Variants in CCNT2 observed in about 807,000 individuals in gnomAD.
CCNT2 encodes the protein cyclin-T2.
CCNT2 carries 18 observed loss-of-function variants against 70.0 expected under a neutral mutation model. The ratio of observed to expected loss-of-function variants is 0.26; its 90% CI spans 0.18 to 0.38. The LOEUF is 0.38. Among genes scored for constraint, CCNT2 ranks in the 10% least tolerant of loss-of-function variants. CCNT2 has a pLI of 1.00. For synonymous variants in CCNT2, 334 were observed against 313.3 expected (o/e 1.07, Z -0.70); for missense variants, 734 against 890.2 (o/e 0.82, Z 2.23).
At chr2:134,944,448 T>C in intron 5 of CCNT2, 10 of 966,362 alleles carry the variant, frequency 1.0e-5, no homozygotes, top group Non-Finnish European at 1.2e-5. Flanking sequence ...AACTTTAAAT[T>C]CTTTATCAGA....
intron 2 of CCNT2, among the ~76,000 whole-genome samples, chr2:134,922,785 T>C (rs571883901): frequency 2.2e-4 from 33 of 152,346 alleles, no homozygotes; most frequent in African/African-American, 7.9e-4. Context: ...TCTTTTGTGA[T>C]GCATTTTTTT....
chr2:134,939,605 A>G (rs920791545), intron 4 of CCNT2, among the ~76,000 whole-genome samples: 4 of 151,956 alleles, frequency 2.6e-5, no homozygotes, highest in African/African-American at 9.7e-5. Context: ...AGCTGGGACT[A>G]CAGGTGCATA....
chr2:134,940,548 A>G (rs1681505129), intron 4 of CCNT2, among the ~76,000 whole-genome samples: 1 of 152,222 alleles, frequency 6.6e-6, no homozygotes, highest in Non-Finnish European at 1.5e-5. Flanking sequence ...AAAGGTACAT[A>G]AAATTAATTT....
intron 2 of CCNT2, among the ~76,000 whole-genome samples, chr2:134,924,202 T>C (rs554888316): frequency 2.0e-5 from 3 of 152,378 alleles, no homozygotes; most frequent in East Asian, 3.9e-4. Flanking sequence ...TTGAATCTTA[T>C]TCACATCCAG....
intron 5 of CCNT2, chr2:134,945,045 TTC>T: frequency 1.0e-6 from 1 of 985,414 alleles, no homozygotes; most frequent in Non-Finnish European, 1.2e-6. Context: ...GGACCTTCAC[TTC>T]TGTGATTTCT....
chr2:134,954,156 C>T lies in CCNT2; in HGVS notation c.1701C>T (p.Arg567=). 2 of 1,614,188 alleles carry T rather than the reference C, an allele frequency of 1.2e-6. No homozygotes were observed. The highest frequency in any genetic ancestry group is 1.7e-6 in the Non-Finnish European group (2 of 1,180,010). ...KEKHKEHPSS[R]HHTSSHKHSH... is the part of the protein sequence containing the mutation. ...AGCACAAGGAGCATCCTTCAAGCCG[C>T]CACCACACCAGCAGCCACAAGCATT... The change falls in exon 9 of 9, where the codon CGC becomes CGT. Residue 567 remains arginine (R), a synonymous_variant. Transcript: ENST00000264157.
At chr2:134,942,806 G>C in intron 5 of CCNT2, 132 bp downstream of exon 5, 1 of 1,403,914 alleles carries the variant, frequency 7.1e-7, no homozygotes, top group Non-Finnish European at 9.3e-7. Flanking sequence ...CATTTTTTAA[G>C]CATTACTTTT....
intron 5 of CCNT2, 22 bp from the exon 6 acceptor site, chr2:134,946,079 C>G: frequency 6.4e-7 from 1 of 1,567,692 alleles, no homozygotes; most frequent in Non-Finnish European, 8.7e-7. Flanking sequence ...GTATTGTCTT[C>G]GTTTTTTTTT....
Position 134,953,445 on chromosome 2 carries a change from T to C in CCNT2, c.990T>C (p.Asn330=). The part of the protein sequence containing the change: ...ISVQDSHTSD[N]LSMLATGMPS... ...TTCAAGACAGCCATACATCTGATAA[T>C]TTGTCAATGCTAGCAACAGGAATGC... The change falls in exon 9 of 9, where the codon AAT becomes AAC. Residue 330 remains asparagine, a synonymous_variant. Transcript: ENST00000264157. 4.3e-6 allele frequency: 7 copies of C among 1,613,464 alleles called. No individual in the cohort carries two copies. The highest frequency in any genetic ancestry group is 5.9e-6 in the Non-Finnish European group (7 of 1,179,582).
Position 134,954,529 on chromosome 2 carries a change from G to T in CCNT2, c.2074G>T (p.Val692Leu). 1.2e-6 allele frequency: 2 copies of T among 1,614,192 alleles called. No homozygotes were observed. The highest frequency in any genetic ancestry group is 1.3e-5 in the African/African-American group (1 of 75,052). Residue 692 changes from valine (V) to leucine (L), a missense_variant, in exon 9 of 9, where the codon GTG becomes TTG. Around this residue, in one of 3 missense-constraint regions of CCNT2, gnomAD observed 532 missense variants for 556.9 expected, o/e 0.96. Transcript: ENST00000264157. The stretch of plus-strand genomic sequence containing the variant: ...CCTCGTGAAACTGGACAAGAAGCCA[G>T]TGGAGACCAACGGTCCTGATGCCAA... ...STLVKLDKKP[V>L]ETNGPDANHE...
chr2:134,953,747 C>T lies in CCNT2; in HGVS notation c.1292C>T (p.Pro431Leu), dbSNP rs1682710199. 1 of 1,614,028 alleles carries T rather than the reference C, an allele frequency of 6.2e-7. No homozygotes were observed. The change falls in exon 9 of 9, where the codon CCT (proline) becomes CTT (leucine). Residue 431 changes from proline to leucine, a missense_variant. Around this residue, in one of 3 missense-constraint regions of CCNT2, gnomAD observed 532 missense variants for 556.9 expected, o/e 0.96. Transcript: ENST00000264157. Reference sequence around the variant, plus strand: ...ATTTCCACTACTCCAGGAATAATTCCTCAGAAAATGTCTTTAGATAAATAT... The same window carrying T: ...ATTTCCACTACTCCAGGAATAATTCTTCAGAAAATGTCTTTAGATAAATAT... ...GPISTTPGII[P>L]QKMSLDKYRE...
chr2:134,939,191 A>G, intron 4 of CCNT2, 129 bp downstream of exon 4: 3 of 657,060 alleles, frequency 4.6e-6, no homozygotes, highest in Non-Finnish European at 7.9e-6. Flanking sequence ...AGACAGAATA[A>G]GGTTGCCTGG....
chr2:134,922,036 C>G (rs1280849474), intron 2 of CCNT2, among the ~76,000 whole-genome samples: 2 of 152,146 alleles, frequency 1.3e-5, no homozygotes, highest in Non-Finnish European at 2.9e-5. Flanking sequence ...ATCAATTGCA[C>G]CGCCTCACTT....
chr2:134,931,260 A>ATATTTTTTTTTTTTT (rs1351628226), intron 2 of CCNT2, among the ~76,000 whole-genome samples: 1 of 42,968 alleles, frequency 2.3e-5, no homozygotes, highest in Non-Finnish European at 4.0e-5. Flanking sequence ...CCATGCCCGG[A>ATATTTTTTTTTTTTT]TCTTTTTTTT....
intron 2 of CCNT2, among the ~76,000 whole-genome samples, chr2:134,924,009 A>G (rs866269360): frequency 5.9e-5 from 9 of 152,294 alleles, no homozygotes; most frequent in African/African-American, 2.2e-4. Context: ...TTTTTCAACT[A>G]TACATCAGTG....
chr2:134,927,215 T>C (rs533206008), intron 2 of CCNT2, among the ~76,000 whole-genome samples: 1 of 152,374 alleles, frequency 6.6e-6, no homozygotes, highest in African/African-American at 2.4e-5. Flanking sequence ...TGAAACATGC[T>C]GCTCTTATCT....
rs1682662070 is a variant in CCNT2, at chr2:134,953,214, T to G, written c.775-16T>G. Reference sequence around the variant, plus strand: ...TTTTGCTATATCACTGCTTCTTCTGTGTTTTATTTTAATAGGCTAATCAGG... The same window carrying G: ...TTTTGCTATATCACTGCTTCTTCTGGGTTTTATTTTAATAGGCTAATCAGG... On this transcript the variant is annotated splice_polypyrimidine_tract_variant and intron_variant, in intron 8 of 8. Coordinates refer to ENST00000264157, the MANE Select transcript of CCNT2 (RefSeq NM_058241.3). 19 of 1,570,752 alleles carry G rather than the reference T, an allele frequency of 1.2e-5. No homozygotes were observed. Among genetic ancestry groups the G allele is most frequent in the Non-Finnish European group, 1.7e-5 (19 of 1,149,852 alleles).
At chr2:134,933,564 G>T (rs1360057592) in intron 2 of CCNT2, among the ~76,000 whole-genome samples, 1 of 152,006 alleles carries the variant, frequency 6.6e-6, no homozygotes, top group African/African-American at 2.4e-5. Context: ...AAAAAGAGAA[G>T]GAGTGAAAGG....
rs1682676676 is a variant in CCNT2, at chr2:134,953,385, T to C, written c.930T>C (p.Pro310=). The C allele has an allele frequency of 6.2e-7, 1 of 1,601,584 alleles. No individual in the cohort carries two copies. Residue 310 remains proline, a synonymous_variant, in exon 9 of 9, where the codon CCT becomes CCC. Transcript: ENST00000264157. ...AGAAACCATCTACATCAGCATTCCC[T>C]GCGCCAGTACCTCTAAATTCAGGAA... ...SFQKPSTSAF[P]APVPLNSGNI... is the part of the protein sequence containing the mutation.
Sources: gnomAD v4.1 joint callset for allele counts (sites outside exome capture counted in the v4.1 genomes callset) on GRCh38, gnomAD v4.1.1 for gene constraint, gnomAD v4.1.1 regional missense constraint, MANE v1.5 for transcripts, NCBI Gene and HGNC (gene_info 2026-07-23, HGNC 2026-07-21) for gene names.